MED12: variants seen among roughly 807,000 people sequenced by gnomAD.
MED12 encodes the protein mediator complex subunit 12, also known as mediator of RNA polymerase II transcription subunit 12.
MED12 carries 10 observed loss-of-function variants against 177.7 expected under a neutral mutation model. The observed-to-expected ratio is 0.06, with a 90% CI of 0.03 to 0.10. The LOEUF (loss-of-function observed/expected upper bound fraction) is 0.10, where lower values mean the gene tolerates loss of function less well. Ranked by LOEUF, MED12 falls within the 10% of genes least tolerant of loss-of-function variation. MED12 has a pLI of 1.00. For missense variants in MED12, 867 were observed against 1,780.8 expected (o/e 0.49, Z 9.23); for synonymous variants, 641 against 678.4 (o/e 0.94, Z 0.86).
intron 23 of MED12, 68 bp from the exon 24 acceptor site, chrX:71,128,530 A>G (rs1178344728): frequency 1.7e-6 from 2 of 1,206,912 alleles, no homozygotes; most frequent in African/African-American, 1.8e-5. Flanking sequence ...AGTTCCGTAG[A>G]GTGGAGGCAC....
chrX:71,122,980 A>C, intron 10 of MED12, 106 bp downstream of exon 10: 1 of 1,157,340 alleles, frequency 8.6e-7, no homozygotes, highest in Non-Finnish European at 1.2e-6. Context: ...ATCTGCAGAA[A>C]TGATCTTACT....
Position 71,128,600 on chromosome X carries a change from C to T in MED12, c.3357C>T (p.Val1119=), listed in dbSNP as rs773679943. 16 of 1,209,109 alleles carry T rather than the reference C, an allele frequency of 1.3e-5. No individual in the cohort carries two copies. In the African/African-American group the frequency reaches 2.3e-4, roughly 17 times the overall value. ...GFNDLLCNVD[V]SDLSFHDSLA... is the part of the protein sequence containing the mutation. ...TGTCTGTCTGTTTTTTCCTCCAGGT[C>T]AGTGACCTATCTTTTCATGACTCGC... Residue 1119 remains valine (V), a splice_region_variant and synonymous_variant, in exon 24 of 45, where the codon GTC becomes GTT. Coordinates refer to ENST00000374080, the MANE Select transcript of MED12 (RefSeq NM_005120.3).
rs2147795833 is a variant in MED12, at chrX:71,126,142, G to C, written c.2529G>C (p.Gln843His). The C allele has an allele frequency of 1.2e-5, 15 of 1,205,788 alleles. No homozygotes were observed. Among genetic ancestry groups the C allele is most frequent in the Non-Finnish European group, 1.7e-5 (15 of 889,925 alleles). Reference protein sequence around the residue: ...FQHLSHYDQHQVTAQVSRNVL... With the variant: ...FQHLSHYDQHHVTAQVSRNVL... The stretch of plus-strand genomic sequence containing the variant: ...ACCTTTCACATTATGACCAACACCA[G>C]GTCACGGCTCAGGTGTGGGCCTAAG... The change falls in exon 18 of 45, where the codon CAG becomes CAC. Residue 843 changes from glutamine (Q) to histidine (H), a missense_variant. Transcript: ENST00000374080.
rs1186607917 is a variant in MED12 at position 71,118,760 on chromosome X, G to A, written c.6G>A (p.Ala2=). 8.3e-7 allele frequency: 1 copy of A among 1,204,997 alleles called. No homozygotes were observed. The highest frequency in any genetic ancestry group is 3.0e-5 in the East Asian group (1 of 33,546). ...GGCGCTACGGGCTGGGCAAGATGGCGGCCTTCGGGATCTTGAGCTACGAAC... is the reference window on the plus strand; with the variant it reads ...GGCGCTACGGGCTGGGCAAGATGGCAGCCTTCGGGATCTTGAGCTACGAAC... M[A]AFGILSYEHR... The change falls in exon 1 of 45, where the codon GCG becomes GCA. Residue 2 remains alanine, a synonymous_variant. Transcript: ENST00000374080.
intron 34 of MED12, 107 bp from the exon 35 acceptor site, chrX:71,134,606 C>T: frequency 9.1e-7 from 1 of 1,097,860 alleles, no homozygotes. Context: ...TTTTGGTGCC[C>T]TTGGGATGAC....
At position 71,132,192 on chromosome X, in the gene MED12, C is replaced by T; in HGVS notation, c.4239C>T (p.Thr1413=). Residue 1413 remains threonine (T), a synonymous_variant, in exon 30 of 45, where the codon ACC becomes ACT. Transcript: ENST00000374080. ...TASNMPSSSK[T]KPVLSSLERS... ...GCAACATGCCCAGCAGCAGCAAGAC[C>T]AAGCCTGTGCTCAGGTCGGATAGAA... is the stretch of plus-strand genomic sequence containing the variant. 1 of 1,211,275 alleles carries T rather than the reference C, an allele frequency of 8.3e-7. No homozygotes were observed. The highest frequency in any genetic ancestry group is 1.1e-6 in the Non-Finnish European group (1 of 894,953).
intron 33 of MED12, among the ~76,000 whole-genome samples, chrX:71,133,483 A>G (rs1362777454): frequency 9.1e-6 from 1 of 109,342 alleles, no homozygotes; most frequent in Non-Finnish European, 1.9e-5. Flanking sequence ...ACAGGTGTGT[A>G]CCACCACACC....
Position 71,134,480 on chromosome X carries a change from A to T in MED12, c.4727+14A>T, listed in dbSNP as rs1274115686. ...GCAGTCCAACAAGTAAAGCATCCCC[A>T]CCCGCTCCCTGCAGTTTCATACCCA... On this transcript the variant is annotated intron_variant, in intron 34 of 44. Transcript: ENST00000374080. 5 of 1,041,221 alleles carry T rather than the reference A, an allele frequency of 4.8e-6. No homozygotes were observed. Among genetic ancestry groups the T allele is most frequent in the Non-Finnish European group, 6.6e-6 (5 of 759,831 alleles). 85.8% of individuals were successfully genotyped at this position (1,041,221 alleles called of 1,213,427 possible). A position where few individuals can be genotyped will look rare whatever the true frequency, so the allele number is the denominator to read the frequency against.
chrX:71,129,704 G>C lies in MED12; in HGVS notation c.3716G>C (p.Gly1239Ala). 2 of 1,195,625 alleles carry C rather than the reference G, an allele frequency of 1.7e-6. No homozygotes were observed. The highest frequency in any genetic ancestry group is 2.3e-6 in the Non-Finnish European group (2 of 887,183). The change falls in exon 27 of 45, where the codon GGC (glycine) becomes GCC (alanine). Residue 1239 changes from glycine to alanine, a missense_variant. By Grantham distance (60) the Gly-to-Ala change is moderately conservative (BLOSUM62 0). This residue lies in a region of MED12 where 29 missense variants were observed against 31.3 expected (regional missense o/e 0.93). Transcript: ENST00000374080. ...GGGGATGCGGAACTGAAAGGTTCAG[G>C]CTTCACTGTGACAGGAGGAACAGAA... ...VLGDAELKGS[G>A]FTVTGGTEEL...
In MED12 at chrX:71,125,436, T is replaced by C. The variant is rs778325168; in HGVS notation, c.2312T>C (p.Ile771Thr). The C allele has an allele frequency of 1.8e-5, 22 of 1,208,096 alleles. No homozygotes were observed. Among genetic ancestry groups the C allele is most frequent in the Admixed American group, 4.4e-5 (2 of 45,536 alleles). Residue 771 changes from isoleucine to threonine, a missense_variant, in exon 16 of 45, where the codon ATC becomes ACC. Ile to Thr is a moderately conservative substitution (Grantham distance 89). This residue lies in a region of MED12 where 309 missense variants were observed against 556.3 expected (regional missense o/e 0.56). Transcript: ENST00000374080. ...GKQRDDARHAIKKITKDILKV... is the reference protein window; with the variant it reads ...GKQRDDARHATKKITKDILKV... ...CAGCGAGATGATGCCCGCCATGCCATCAAGAAAATCACCAAGGATATCTTG... is the reference window on the plus strand; with the variant it reads ...CAGCGAGATGATGCCCGCCATGCCACCAAGAAAATCACCAAGGATATCTTG...
At chrX:71,124,690 C>A in intron 13 of MED12, 74 bp from the exon 14 acceptor site, 2 of 830,267 alleles carry the variant, frequency 2.4e-6, no homozygotes, top group East Asian at 3.2e-5. Context: ...CTCCACTTCC[C>A]CAATGAAGTT....
chrX:71,123,268 A>G, intron 11 of MED12, 42 bp downstream of exon 11: 1 of 1,202,437 alleles, frequency 8.3e-7, no homozygotes, highest in Non-Finnish European at 1.1e-6. Context: ...GCCAATGGGA[A>G]GGAATTTACT....
Position 71,131,639 on chromosome X carries a change from C to T in MED12, c.4119+18C>T, listed in dbSNP as rs2092317697. The T allele has an allele frequency of 8.3e-7, 1 of 1,199,557 alleles. No homozygotes were observed. Among genetic ancestry groups the T allele is most frequent in the African/African-American group, 1.8e-5 (1 of 56,683 alleles). ...CTAACAATGTGAGTAGTGCCTGGAC[C>T]CTCCCTTTCCTGTGCTCACGTTCAG... On this transcript the variant is annotated intron_variant, in intron 29 of 44. Transcript: ENST00000374080.
At chrX:71,127,523 G>T in intron 21 of MED12, 56 bp downstream of exon 21, 1 of 1,096,386 alleles carries the variant, frequency 9.1e-7, no homozygotes, top group Non-Finnish European at 1.3e-6. Flanking sequence ...TTCTTCCCAT[G>T]ACCACCCAAC....
At chrX:71,132,763 CTCTCCTCT>C (rs2092320948) in intron 31 of MED12, 74 bp from the exon 32 acceptor site, 2 of 803,043 alleles carry the variant, frequency 2.5e-6, no homozygotes, top group African/African-American at 2.4e-5. Flanking sequence ...CTCTCCTCTT[CTCTCCTCT>C]TCTCTTCTCT....
rs371928861 is a variant in MED12, at chrX:71,122,582, C to T, written c.1323C>T (p.Phe441=). 14 of 1,207,881 alleles carry T rather than the reference C, an allele frequency of 1.2e-5. No homozygotes were observed. The African/African-American group carries it at 1.4e-4, about 12-fold the overall frequency. ...AGGCAGTTGAAGTTCGCTGGTCTTT[C>T]GATAAATGCCAGGAAGCTACTGCAG... ...RGQAVEVRWS[F]DKCQEATAGF... Residue 441 remains phenylalanine (F), a synonymous_variant, in exon 9 of 45, where the codon TTC becomes TTT. Transcript: ENST00000374080.
chrX:71,127,560 C>A, intron 21 of MED12, 93 bp downstream of exon 21: 1 of 818,952 alleles, frequency 1.2e-6, no homozygotes, highest in Non-Finnish European at 1.8e-6. Flanking sequence ...GCCCGGGACC[C>A]TGCTGCCTGT....
chrX:71,138,600 C>A (rs2092338620), intron 41 of MED12, among the ~76,000 whole-genome samples: 1 of 109,243 alleles, frequency 9.2e-6, no homozygotes, highest in Non-Finnish European at 1.9e-5. Context: ...ATTAGACAGG[C>A]GTGTTGGTGC....
rs2092323049 is a variant in MED12 at position 71,133,188 on chromosome X, G to A, written c.4593G>A (p.Glu1531=). ...GCAAACCAAAGCAGCTTATGCATGA[G>A]GCACTCAAACTGCGGCTCAACCTGG... is the stretch of plus-strand genomic sequence containing the variant. ...DDCKPKQLMH[E]ALKLRLNLVG... The change falls in exon 33 of 45, where the codon GAG becomes GAA. Residue 1531 remains glutamate (E), a synonymous_variant. Transcript: ENST00000374080. The A allele has an allele frequency of 8.3e-7, 1 of 1,205,518 alleles. No homozygotes were observed.
Sources: gnomAD v4.1 joint callset for allele counts (sites outside exome capture counted in the v4.1 genomes callset) on GRCh38, gnomAD v4.1.1 for gene constraint, gnomAD v4.1.1 regional missense constraint, MANE v1.5 for transcripts, NCBI Gene and HGNC (gene_info 2026-07-23, HGNC 2026-07-21) for gene names.